The following ST7 variants were observed in gnomAD, a reference collection of about 807,000 sequenced individuals.
ST7 encodes suppression of tumorigenicity 7, also known as suppressor of tumorigenicity 7 protein.
ST7 carries 28 observed loss-of-function variants against 78.7 expected under a neutral mutation model. That is an observed-to-expected ratio of 0.36 (90% CI 0.26 to 0.49). The LOEUF (loss-of-function observed/expected upper bound fraction) is 0.49. Ranked by LOEUF, ST7 falls within the 20% of genes least tolerant of loss-of-function variation. The probability of loss-of-function intolerance (pLI) is 0.99; values close to 1 mark genes in which losing one functional copy is unlikely to be tolerated. For missense variants in ST7, 418 were observed against 696.0 expected (o/e 0.60, Z 4.49); for synonymous variants, 247 against 249.6 (o/e 0.99, Z 0.10).
chr7:117,032,400 G>A (rs1563027822), intron 1 of ST7, among the ~76,000 whole-genome samples: 1 of 151,888 alleles, frequency 6.6e-6, no homozygotes, highest in Non-Finnish European at 1.5e-5. Flanking sequence ...GAATTTATGA[G>A]TTTTTATATT....
At chr7:117,126,261 CT>C (rs200238272) in intron 3 of ST7, among the ~76,000 whole-genome samples, 7 of 151,538 alleles carry the variant, frequency 4.6e-5, no homozygotes, top group African/African-American at 1.5e-4. Context: ...GATTTTCTAT[CT>C]TTTTTTTAAT....
intron 15 of ST7, among the ~76,000 whole-genome samples, chr7:117,226,116 C>A (rs1211697314): frequency 6.6e-6 from 1 of 152,110 alleles, no homozygotes; most frequent in Non-Finnish European, 1.5e-5. Context: ...CTCTTTGAAG[C>A]CTGATATTGA....
At chr7:117,125,990 T>C (rs1803804483) in intron 3 of ST7, among the ~76,000 whole-genome samples, 2 of 152,006 alleles carry the variant, frequency 1.3e-5, no homozygotes, top group African/African-American at 2.4e-5. Context: ...TTTTTACTTA[T>C]GTAAAAAGGG....
intron 12 of ST7, among the ~76,000 whole-genome samples, chr7:117,204,982 C>T (rs1487015784): frequency 6.6e-5 from 10 of 152,138 alleles, no homozygotes; most frequent in South Asian, 2.1e-4. Flanking sequence ...GCAGGAGGAT[C>T]GCTTGAGCCC....
intron 1 of ST7, among the ~76,000 whole-genome samples, chr7:117,010,317 G>C (rs1795336424): frequency 6.6e-6 from 1 of 152,172 alleles, no homozygotes; most frequent in South Asian, 2.1e-4. Context: ...TGAGGTCTTG[G>C]GAGTAGAGCC....
intron 1 of ST7, among the ~76,000 whole-genome samples, chr7:117,046,548 C>T (rs1797501159): frequency 6.6e-6 from 1 of 152,100 alleles, no homozygotes; most frequent in South Asian, 2.1e-4. Context: ...CCACACAGTA[C>T]CACCTGTTAT....
At chr7:117,078,154 G>A (rs1370340078) in intron 1 of ST7, among the ~76,000 whole-genome samples, 1 of 152,178 alleles carries the variant, frequency 6.6e-6, no homozygotes, top group Admixed American at 6.5e-5. Flanking sequence ...AGGAAACAAG[G>A]TTCCATGTGG....
chr7:117,206,270 G>A (rs992899161), intron 12 of ST7, among the ~76,000 whole-genome samples: 1 of 152,152 alleles, frequency 6.6e-6, no homozygotes, highest in South Asian at 2.1e-4. Flanking sequence ...GGCTGATTAG[G>A]CCAGGGATGT....
At position 116,972,785 on chromosome 7, in the gene ST7, C is replaced by A. The variant is rs990401653; in HGVS notation, c.151+19094C>A. The stretch of plus-strand genomic sequence containing the variant: ...GAGGCCACCTCAGCCTCAGCCTGTT[C>A]CTGGGAACACCTTTCTCCCTCAACT... On this transcript the variant is annotated intron_variant, in intron 1 of 15. Transcript: ENST00000323984. 17 of 944,758 alleles carry A rather than the reference C, an allele frequency of 1.8e-5. No homozygotes were observed. The African/African-American group carries it at 2.6e-4, about 14-fold the overall frequency. The allele number at this position is 944,758 out of a possible 1,614,324, so 58.5% of individuals were successfully genotyped here.
chr7:117,037,705 G>A (rs911188854), intron 1 of ST7, among the ~76,000 whole-genome samples: 2 of 152,088 alleles, frequency 1.3e-5, no homozygotes, highest in Non-Finnish European at 2.9e-5. Flanking sequence ...TGAGACTTCC[G>A]ATTATATGGC....
intron 10 of ST7, among the ~76,000 whole-genome samples, chr7:117,171,426 C>A (rs1365505898): frequency 6.6e-6 from 1 of 152,068 alleles, no homozygotes; most frequent in African/African-American, 2.4e-5. Flanking sequence ...ATCCCTTGCA[C>A]ATGTGGCAAT....
At chr7:117,029,786 C>T (rs1453647543) in intron 1 of ST7, among the ~76,000 whole-genome samples, 7 of 150,354 alleles carry the variant, frequency 4.7e-5, no homozygotes, top group Non-Finnish European at 8.9e-5. Context: ...TGAATATTCA[C>T]TTCTTCTAGC....
intron 10 of ST7, among the ~76,000 whole-genome samples, chr7:117,173,171 T>C (rs1413602994): frequency 6.6e-6 from 1 of 152,232 alleles, no homozygotes; most frequent in Non-Finnish European, 1.5e-5. Flanking sequence ...GTTTATGTTG[T>C]GTACCTGGCA....
chr7:116,992,552 G>T (rs1794477701), intron 1 of ST7, among the ~76,000 whole-genome samples: 1 of 152,184 alleles, frequency 6.6e-6, no homozygotes, highest in Non-Finnish European at 1.5e-5. Context: ...CCTGGCCCCT[G>T]CCCATGAAAC....
At chr7:117,065,452 G>A (rs932070729) in intron 1 of ST7, among the ~76,000 whole-genome samples, 8 of 152,152 alleles carry the variant, frequency 5.3e-5, no homozygotes, top group African/African-American at 1.9e-4. Flanking sequence ...CTCGTGATCT[G>A]CCTGCCTCGG....
At position 117,130,566 on chromosome 7, in the gene ST7, C is replaced by A. The variant is rs1416255101; in HGVS notation, c.525C>A (p.Phe175Leu). The A allele has an allele frequency of 6.2e-7, 1 of 1,611,464 alleles. No homozygotes were observed. The highest frequency in any genetic ancestry group is 1.3e-5 in the African/African-American group (1 of 74,788). Reference sequence around the variant, plus strand: ...TCTCTGCCCAAGACCACCAGACATTCTTTACTTGTGACTCGGACCATCTGC... The same window carrying A: ...TCTCTGCCCAAGACCACCAGACATTATTTACTTGTGACTCGGACCATCTGC... The part of the protein sequence containing the change: ...MNLSAQDHQT[F>L]FTCDSDHLRP... Residue 175 changes from phenylalanine to leucine, a missense_variant, in exon 5 of 16, where the codon TTC (phenylalanine) becomes TTA (leucine). Physicochemically the swap from Phe to Leu is conservative, Grantham distance 22. This residue lies in a region of ST7 where 288 missense variants were observed against 537.1 expected (regional missense o/e 0.54). Coordinates refer to ENST00000323984, the MANE Select transcript of ST7 (RefSeq NM_001369598.1).
At position 117,223,106 on chromosome 7, in the gene ST7, C is replaced by A. The variant is rs1039991740; in HGVS notation, c.1638+1044C>A. ...TTCCAAACTCTTCCCTCTCTCACTC[C>A]CCACATCCCATCGTCTCGGCCTTCA... On this transcript the variant is annotated intron_variant, in intron 15 of 15. Coordinates refer to ENST00000323984, the MANE Select transcript of ST7 (RefSeq NM_001369598.1). 5.9e-6 allele frequency: 4 copies of A among 678,038 alleles called. No individual in the cohort carries two copies. The African/African-American group carries it at 7.1e-5, about 12-fold the overall frequency. The allele number at this position is 678,038 out of a possible 1,614,324, so 42.0% of individuals were successfully genotyped here. A position where few individuals can be genotyped will look rare whatever the true frequency, so the allele number is the denominator to read the frequency against.
chr7:117,091,550 G>A (rs1178164694), intron 1 of ST7, among the ~76,000 whole-genome samples: 1 of 152,202 alleles, frequency 6.6e-6, no homozygotes, highest in Admixed American at 6.5e-5. Flanking sequence ...CATGGTAGCA[G>A]AGGGAGAACT....
intron 10 of ST7, among the ~76,000 whole-genome samples, chr7:117,172,704 T>A (rs2117277527): frequency 6.6e-6 from 1 of 152,326 alleles, no homozygotes; most frequent in South Asian, 2.1e-4. Flanking sequence ...CCAAAGGAAT[T>A]CAGTCCCATG....
Sources: allele counts gnomAD v4.1 joint callset (sites outside exome capture counted in the v4.1 genomes callset), GRCh38; gene constraint gnomAD v4.1.1; regional missense constraint gnomAD v4.1.1; transcripts MANE v1.5; gene names NCBI Gene and HGNC (gene_info 2026-07-23, HGNC 2026-07-21).